Variants in BMPER observed in about 807,000 individuals in gnomAD.
The protein encoded by BMPER is BMP-binding endothelial regulator protein.
A neutral mutation model predicts 87.3 loss-of-function variants in BMPER; 45 were observed. The observed-to-expected ratio is 0.52, with a 90% CI of 0.41 to 0.66. The LOEUF is 0.66. Ranked by LOEUF, BMPER falls within the 30% of genes least tolerant of loss-of-function variation. The probability of loss-of-function intolerance (pLI) is 0.00; values close to 1 mark genes in which losing one functional copy is unlikely to be tolerated. For missense variants in BMPER, 784 were observed against 867.5 expected, an observed-to-expected ratio of 0.90 and a Z score of 1.21; for synonymous variants, 326 against 316.2, an observed-to-expected ratio of 1.03 and a Z score of -0.33.
intron 2 of BMPER, among the ~76,000 whole-genome samples, chr7:33,919,923 A>ATATC (rs61007454): frequency 0.23 from 35,014 of 150,726 alleles, 4,471 homozygotes; most frequent in Middle Eastern, 0.39. Flanking sequence ...ATCTGTGTAC[A>ATATC]TATCTATCTA....
chr7:33,945,231 G>A lies in BMPER; in HGVS notation c.319+7843G>A, dbSNP rs543763523. Among the ~76,000 whole-genome samples the A allele has an allele frequency of 1.8e-4, 26 of 145,088 alleles. No individual in the cohort carries two copies. The East Asian group carries it at 3.3e-3, about 18-fold the overall frequency. On this transcript the variant is annotated intron_variant, in intron 3 of 14. Coordinates refer to ENST00000649409, the MANE Select transcript of BMPER (RefSeq NM_001365308.1). The stretch of plus-strand genomic sequence containing the variant: ...GCTGGGATTACAGGCCTGAGCCACC[G>A]CGCCTGGACTTCTTTTTTTTTTTTT...
At chr7:33,946,280 G>C (rs1784893149) in intron 3 of BMPER, among the ~76,000 whole-genome samples, 1 of 152,168 alleles carries the variant, frequency 6.6e-6, no homozygotes, top group African/African-American at 2.4e-5. Flanking sequence ...TCCCTCCCAT[G>C]ACATGTGAGG....
At chr7:33,926,034 A>G (rs916375266) in intron 2 of BMPER, among the ~76,000 whole-genome samples, 2 of 152,080 alleles carry the variant, frequency 1.3e-5, no homozygotes, top group East Asian at 1.9e-4. Flanking sequence ...CTTGCCCCTC[A>G]TGTTGCAACA....
At chr7:33,932,050 T>C (rs1784492723) in intron 2 of BMPER, among the ~76,000 whole-genome samples, 1 of 152,180 alleles carries the variant, frequency 6.6e-6, no homozygotes, top group Admixed American at 6.5e-5. Context: ...CCCGCAGCAC[T>C]GAGTATAGTG....
intron 11 of BMPER, among the ~76,000 whole-genome samples, chr7:34,066,967 T>G (rs1788609448): frequency 6.6e-6 from 1 of 152,042 alleles, no homozygotes; most frequent in Non-Finnish European, 1.5e-5. Flanking sequence ...TCCCTGGTGG[T>G]TCATTAAGCT....
intron 13 of BMPER, among the ~76,000 whole-genome samples, chr7:34,126,365 G>A (rs1790402793): frequency 6.6e-6 from 1 of 152,130 alleles, no homozygotes; most frequent in Non-Finnish European, 1.5e-5. Context: ...CATGACTAGG[G>A]CTTAGTTAGA....
chr7:33,924,199 A>T (rs1784302461), intron 2 of BMPER, among the ~76,000 whole-genome samples: 1 of 152,110 alleles, frequency 6.6e-6, no homozygotes, highest in Admixed American at 6.5e-5. Context: ...TTTCTCTTAC[A>T]TCCCATGTTC....
At chr7:33,996,412 C>A (rs58370038) in intron 6 of BMPER, among the ~76,000 whole-genome samples, 18,568 of 152,158 alleles carry the variant, frequency 0.12, 1,515 homozygotes, top group African/African-American at 0.23. Flanking sequence ...ATATCAAACC[C>A]AAATATTTTA....
chr7:34,102,276 C>T (rs1417398141), intron 13 of BMPER, among the ~76,000 whole-genome samples: 2 of 152,122 alleles, frequency 1.3e-5, no homozygotes, highest in Non-Finnish European at 2.9e-5. Flanking sequence ...CCCAGAAACC[C>T]CAGCAAGCCT....
At chr7:34,070,943 G>A (rs4140982) in intron 11 of BMPER, among the ~76,000 whole-genome samples, 42,478 of 151,578 alleles carry the variant, frequency 0.28, 6,169 homozygotes, top group African/African-American at 0.34. Flanking sequence ...CAGGCTGGCA[G>A]TAAATCTCAG....
chr7:33,940,295 A>G (rs1371611564), intron 3 of BMPER, among the ~76,000 whole-genome samples: 1 of 152,230 alleles, frequency 6.6e-6, no homozygotes, highest in Non-Finnish European at 1.5e-5. Flanking sequence ...TAATAGATAC[A>G]TAAGATTCTG....
chr7:34,024,380 AAACAATATATATATAT>A (rs1562695133), intron 6 of BMPER, among the ~76,000 whole-genome samples: 4 of 72,822 alleles, frequency 5.5e-5, no homozygotes, highest in African/African-American at 2.8e-4. Context: ...AAAAAAAAAA[AAACAATATATATATAT>A]ATATATATAT....
At chr7:33,923,648 G>T (rs1784288777) in intron 2 of BMPER, among the ~76,000 whole-genome samples, 2 of 152,150 alleles carry the variant, frequency 1.3e-5, no homozygotes, top group South Asian at 4.1e-4. Context: ...GGTGCTGATA[G>T]AAGGTGACCT....
chr7:34,101,231 A>G (rs771913316), intron 13 of BMPER, among the ~76,000 whole-genome samples: 1 of 152,120 alleles, frequency 6.6e-6, no homozygotes, highest in African/African-American at 2.4e-5. Context: ...TTTTTTTCCC[A>G]TGCTGGAGAA....
chr7:34,066,412 C>T (rs1788593398), intron 11 of BMPER, among the ~76,000 whole-genome samples: 1 of 152,148 alleles, frequency 6.6e-6, no homozygotes, highest in Non-Finnish European at 1.5e-5. Flanking sequence ...TCTCTTTCTC[C>T]CTTTCCAACT....
intron 6 of BMPER, among the ~76,000 whole-genome samples, chr7:34,000,202 C>G (rs1786541947): frequency 6.6e-6 from 1 of 152,116 alleles, no homozygotes; most frequent in Non-Finnish European, 1.5e-5. Context: ...GTGGTTCAAC[C>G]ATCCCAAGTC....
At chr7:33,963,962 G>T (rs1004819145) in intron 3 of BMPER, among the ~76,000 whole-genome samples, 7 of 152,086 alleles carry the variant, frequency 4.6e-5, no homozygotes, top group African/African-American at 1.4e-4. Flanking sequence ...TAAAAATAGG[G>T]CAAGATATTG....
intron 6 of BMPER, among the ~76,000 whole-genome samples, chr7:33,992,748 G>T (rs2127927696): frequency 6.7e-6 from 1 of 149,322 alleles, no homozygotes; most frequent in African/African-American, 2.5e-5. Context: ...TTTTGCAGCG[G>T]CTGGTACCGG....
chr7:34,114,946 T>C (rs964585719), intron 13 of BMPER, among the ~76,000 whole-genome samples: 2 of 152,244 alleles, frequency 1.3e-5, no homozygotes, highest in Non-Finnish European at 2.9e-5. Flanking sequence ...CAAGGAAATG[T>C]GTTAAGTGGA....
Sources: allele counts gnomAD v4.1 joint callset (sites outside exome capture counted in the v4.1 genomes callset), GRCh38; gene constraint gnomAD v4.1.1; transcripts MANE v1.5; gene names NCBI Gene and HGNC (gene_info 2026-07-23, HGNC 2026-07-21).